Variants in ZFPM2 observed in about 807,000 individuals in gnomAD.
ZFPM2 encodes the protein zinc finger protein, FOG family member 2.
ZFPM2 carries 20 observed loss-of-function variants against 98.6 expected under a neutral mutation model. That is an observed-to-expected ratio of 0.20 (90% CI 0.14 to 0.29). ZFPM2 has a LOEUF of 0.29. Among genes scored for constraint, ZFPM2 ranks in the 10% least tolerant of loss-of-function variants. ZFPM2 has a pLI of 1.00. For synonymous variants in ZFPM2, 518 were observed against 502.7 expected, an observed-to-expected ratio of 1.03 and a Z score of -0.41; for missense variants, 1,310 against 1,388.6, an observed-to-expected ratio of 0.94 and a Z score of 0.90.
intron 3 of ZFPM2, among the ~76,000 whole-genome samples, chr8:105,512,614 A>G (rs1813839596): frequency 6.6e-6 from 1 of 152,160 alleles, no homozygotes. Flanking sequence ...AGTTTTATTT[A>G]TGTTAAAGGG....
intron 1 of ZFPM2, among the ~76,000 whole-genome samples, chr8:105,412,835 C>A (rs1187228713): frequency 1.3e-5 from 2 of 151,634 alleles, no homozygotes; most frequent in African/African-American, 4.8e-5. Flanking sequence ...GTAATAGGAA[C>A]CGAGTGAGAA....
intron 1 of ZFPM2, among the ~76,000 whole-genome samples, chr8:105,406,218 C>T (rs371751391): frequency 2.7e-3 from 412 of 152,112 alleles, no homozygotes; most frequent in Non-Finnish European, 3.9e-3. Flanking sequence ...TTCTCCCATT[C>T]TGTAGGTTGC....
In ZFPM2 at chr8:105,382,497, T is replaced by G. The variant is rs549459463; in HGVS notation, c.41-36647T>G. ...ATTCCATGTTAAAAGTTTACCTTCA[T>G]TGAGAAGAATATTAAAAATAAAATA... On this transcript the variant is annotated intron_variant, in intron 1 of 7. Transcript: ENST00000407775. Among the ~76,000 whole-genome samples, 101 of 152,178 alleles carry G rather than the reference T, an allele frequency of 6.6e-4. 1 individual carries two copies. Among genetic ancestry groups the G allele is most frequent in the Non-Finnish European group, 1.1e-3 (77 of 67,970 alleles).
At chr8:105,623,297 G>A (rs899275078) in intron 4 of ZFPM2, among the ~76,000 whole-genome samples, 1 of 151,926 alleles carries the variant, frequency 6.6e-6, no homozygotes, top group Non-Finnish European at 1.5e-5. Context: ...TTTTCCCTTT[G>A]GAGGGGGATC....
intron 5 of ZFPM2, among the ~76,000 whole-genome samples, chr8:105,756,642 A>T (rs1309127478): frequency 6.6e-6 from 1 of 152,190 alleles, no homozygotes; most frequent in African/African-American, 2.4e-5. Flanking sequence ...TCTGAAATAT[A>T]TGAAAACTAG....
chr8:105,435,139 A>G (rs1050493087), intron 2 of ZFPM2, among the ~76,000 whole-genome samples: 3 of 152,168 alleles, frequency 2.0e-5, no homozygotes, highest in African/African-American at 7.2e-5. Flanking sequence ...AACACCTTCA[A>G]TTTCCTCCTA....
chr8:105,647,116 C>A (rs1199827833), intron 5 of ZFPM2, among the ~76,000 whole-genome samples: 6 of 152,162 alleles, frequency 3.9e-5, no homozygotes, highest in South Asian at 2.1e-4. Context: ...CAGACGAAAT[C>A]TGCCTGCTTC....
At chr8:105,380,496 T>C (rs1810825145) in intron 1 of ZFPM2, among the ~76,000 whole-genome samples, 1 of 144,282 alleles carries the variant, frequency 6.9e-6, no homozygotes, top group African/African-American at 2.6e-5. Flanking sequence ...CATAATTGGC[T>C]AGACAAAAAT....
chr8:105,584,706 G>A (rs1003341052), intron 4 of ZFPM2, among the ~76,000 whole-genome samples: 1 of 152,138 alleles, frequency 6.6e-6, no homozygotes, highest in Non-Finnish European at 1.5e-5. Context: ...TCATGTGGAG[G>A]CCTGATAAAA....
intron 5 of ZFPM2, among the ~76,000 whole-genome samples, chr8:105,765,292 G>A (rs1465527920): frequency 6.6e-6 from 1 of 151,546 alleles, no homozygotes; most frequent in Non-Finnish European, 1.5e-5. Flanking sequence ...TACGTAAAAT[G>A]GGTTGTTTAG....
chr8:105,565,010 T>C (rs189805302), intron 4 of ZFPM2, among the ~76,000 whole-genome samples: 1 of 152,260 alleles, frequency 6.6e-6, no homozygotes, highest in Non-Finnish European at 1.5e-5. Context: ...ATTAGCGCAC[T>C]CTCTTAAATT....
At position 105,441,482 on chromosome 8, in the gene ZFPM2, G is replaced by GAAAA. The variant is rs71305153; in HGVS notation, c.200-2795_200-2794insAAAA. ...AGAAAGAAAGAAAGAAAGAAAGAAA[G>GAAAA]AAAGAAAGAAAGAAAGAAATCAAAG... On this transcript the variant is annotated intron_variant, in intron 2 of 7. Coordinates refer to ENST00000407775, the MANE Select transcript of ZFPM2 (RefSeq NM_012082.4). Among the ~76,000 whole-genome samples, 257 of 85,404 alleles carry GAAAA rather than the reference G, an allele frequency of 3.0e-3. 33 individuals are homozygous for GAAAA. The highest frequency in any genetic ancestry group is 3.7e-3 in the East Asian group (13 of 3,502). 56.0% of individuals were successfully genotyped at this position (85,404 alleles called of 152,430 possible). A position where few individuals can be genotyped will look rare whatever the true frequency, so the allele number is the denominator to read the frequency against.
intron 5 of ZFPM2, among the ~76,000 whole-genome samples, chr8:105,663,891 G>T (rs185323167): frequency 1.8e-4 from 28 of 152,278 alleles, no homozygotes; most frequent in Admixed American, 1.8e-3. Context: ...AAAGGCAAAG[G>T]TAATTATGAG....
At chr8:105,616,828 G>A (rs1293830054) in intron 4 of ZFPM2, 2 of 198,982 alleles carry the variant, frequency 1.0e-5, no homozygotes, top group Non-Finnish European at 2.1e-5. Context: ...GACTGGCCTG[G>A]CCAACATGGT....
chr8:105,668,073 C>T (rs1817522538), intron 5 of ZFPM2, among the ~76,000 whole-genome samples: 1 of 152,150 alleles, frequency 6.6e-6, no homozygotes, highest in Non-Finnish European at 1.5e-5. Flanking sequence ...ATAGGAGGGA[C>T]TCAAGAAAGT....
intron 1 of ZFPM2, among the ~76,000 whole-genome samples, chr8:105,344,036 G>T (rs567724766): frequency 6.6e-6 from 1 of 152,250 alleles, no homozygotes; most frequent in South Asian, 2.1e-4. Context: ...CAGTGGGCAA[G>T]AAGAGGACTT....
chr8:105,585,784 G>A (rs867097629), intron 4 of ZFPM2, among the ~76,000 whole-genome samples: 8 of 152,064 alleles, frequency 5.3e-5, no homozygotes, highest in Middle Eastern at 3.2e-3. Context: ...AGTGAGCTAC[G>A]ATCATGCCGT....
At chr8:105,691,935 A>C (rs1349845970) in intron 5 of ZFPM2, among the ~76,000 whole-genome samples, 3 of 152,228 alleles carry the variant, frequency 2.0e-5, no homozygotes, top group African/African-American at 7.2e-5. Context: ...TACAAATTGT[A>C]ATTCTACTCA....
At chr8:105,437,515 G>T (rs1812147919) in intron 2 of ZFPM2, among the ~76,000 whole-genome samples, 1 of 152,062 alleles carries the variant, frequency 6.6e-6, no homozygotes, top group Non-Finnish European at 1.5e-5. Flanking sequence ...GATACGGGAT[G>T]AGAATGATCA....
Sources: allele counts gnomAD v4.1 joint callset (sites outside exome capture counted in the v4.1 genomes callset), GRCh38; gene constraint gnomAD v4.1.1; transcripts MANE v1.5; gene names NCBI Gene and HGNC (gene_info 2026-07-23, HGNC 2026-07-21).